Variants in EXOC6B observed in about 807,000 individuals in gnomAD.
The protein encoded by EXOC6B is SEC15 homolog B.
Under a neutral mutation model 113.5 loss-of-function variants are expected in EXOC6B, and 54 were observed. The ratio of observed to expected loss-of-function variants is 0.48; its 90% confidence interval spans 0.38 to 0.60. The LOEUF (loss-of-function observed/expected upper bound fraction) is 0.60. EXOC6B is among the 20% of genes least tolerant of loss of function. The probability of loss-of-function intolerance (pLI) is 0.00; values close to 1 mark genes in which losing one functional copy is unlikely to be tolerated. For missense variants in EXOC6B, 797 were observed against 977.5 expected (o/e 0.82, Z 2.46); for synonymous variants, 357 against 339.0 (o/e 1.05, Z -0.58).
chr2:72,619,404 TA>T (rs997036434), intron 6 of EXOC6B, among the ~76,000 whole-genome samples: 1 of 151,890 alleles, frequency 6.6e-6, no homozygotes, highest in South Asian at 2.1e-4. Context: ...GTCCATCCAT[TA>T]AAAAAATGGA....
chr2:72,537,125 T>C lies in EXOC6B; in HGVS notation c.916-21999A>G, dbSNP rs554978010. Among the ~76,000 whole-genome samples, 34 of 152,308 alleles carry C rather than the reference T, an allele frequency of 2.2e-4. No homozygotes were observed. In the South Asian group the frequency reaches 3.3e-3, roughly 15 times the overall value. The stretch of plus-strand genomic sequence containing the variant: ...CCATCTATCTTCTTTCCTTTTTTTT[T>C]CCCTCATCCTAAGACTTTGGAAATA... On this transcript the variant is annotated intron_variant, in intron 8 of 21. Transcript: ENST00000272427.
rs146841332 is a variant in EXOC6B, at chr2:72,663,773, G to A, written c.669+54330C>T. Among the ~76,000 whole-genome samples the A allele has an allele frequency of 1.1e-3, 164 of 152,044 alleles. 1 individual carries two copies. Among genetic ancestry groups the A allele is most frequent in the African/African-American group, 3.8e-3 (157 of 41,452 alleles). ...GAAACTATTCCATAATATTGCTATG[G>A]TATATGTCATTATATATTTCTTAAG... is the stretch of plus-strand genomic sequence containing the variant. On this transcript the variant is annotated intron_variant, in intron 6 of 21. Transcript: ENST00000272427.
At chr2:72,675,228 G>C (rs533276956) in intron 6 of EXOC6B, among the ~76,000 whole-genome samples, 1 of 152,166 alleles carries the variant, frequency 6.6e-6, no homozygotes, top group Admixed American at 6.5e-5. Flanking sequence ...TTGGAACTCT[G>C]TAACACAAAA....
intron 20 of EXOC6B, among the ~76,000 whole-genome samples, chr2:72,304,079 G>T (rs550398319): frequency 6.6e-6 from 1 of 152,150 alleles, no homozygotes; most frequent in Non-Finnish European, 1.5e-5. Flanking sequence ...CCAGGTGGGC[G>T]TTTATCCTGC....
intron 19 of EXOC6B, among the ~76,000 whole-genome samples, chr2:72,379,150 A>C (rs1427661586): frequency 6.6e-6 from 1 of 152,218 alleles, no homozygotes; most frequent in Non-Finnish European, 1.5e-5. Context: ...CACTCTAATT[A>C]TACCAAAGGA....
intron 1 of EXOC6B, among the ~76,000 whole-genome samples, chr2:72,789,732 G>C (rs1359482768): frequency 6.6e-6 from 1 of 152,056 alleles, no homozygotes; most frequent in Non-Finnish European, 1.5e-5. Context: ...CTGACATATA[G>C]AGGAAAAATG....
intron 20 of EXOC6B, among the ~76,000 whole-genome samples, chr2:72,223,422 ATGAATAGT>A (rs1252367402): frequency 6.6e-6 from 1 of 152,154 alleles, no homozygotes; most frequent in Non-Finnish European, 1.5e-5. Context: ...AGTATTCCTG[ATGAATAGT>A]AGATTGCAAA....
intron 6 of EXOC6B, among the ~76,000 whole-genome samples, chr2:72,680,554 C>T (rs1014726673): frequency 1.3e-5 from 2 of 152,096 alleles, no homozygotes; most frequent in African/African-American, 4.8e-5. Context: ...GCCTAGCCAA[C>T]ATGGTGAAAC....
chr2:72,656,381 G>A (rs1042847985), intron 6 of EXOC6B, among the ~76,000 whole-genome samples: 2 of 151,664 alleles, frequency 1.3e-5, no homozygotes, highest in African/African-American at 2.4e-5. Context: ...AAATAAAGGA[G>A]AATAACTAAT....
intron 18 of EXOC6B, among the ~76,000 whole-genome samples, chr2:72,422,787 G>A (rs1301046356): frequency 6.6e-6 from 1 of 152,160 alleles, no homozygotes; most frequent in Non-Finnish European, 1.5e-5. Context: ...TGGGGCCTTG[G>A]AGAACCTGTG....
At chr2:72,559,633 G>C in intron 7 of EXOC6B, 112 bp from the exon 8 acceptor site, 1 of 725,268 alleles carries the variant, frequency 1.4e-6, no homozygotes, top group Middle Eastern at 2.5e-4. Context: ...GTTCTAGCTT[G>C]TAAGTGAGAA....
At chr2:72,641,143 T>C (rs1673195976) in intron 6 of EXOC6B, among the ~76,000 whole-genome samples, 1 of 152,290 alleles carries the variant, frequency 6.6e-6, no homozygotes, top group Middle Eastern at 3.4e-3. Flanking sequence ...GCTCCGAGCG[T>C]GATCAACAGA....
chr2:72,379,917 A>G (rs1377181327), intron 18 of EXOC6B, 47 bp from the exon 19 acceptor site: 17 of 1,480,892 alleles, frequency 1.1e-5, no homozygotes, highest in Non-Finnish European at 1.5e-5. Flanking sequence ...TCTAACATAA[A>G]TTAAAATAAA....
intron 18 of EXOC6B, among the ~76,000 whole-genome samples, chr2:72,422,369 G>C (rs925846216): frequency 6.6e-6 from 1 of 152,226 alleles, no homozygotes; most frequent in African/African-American, 2.4e-5. Flanking sequence ...CCTGTGTCTA[G>C]CTCAAGGTTT....
chr2:72,374,321 G>A (rs2105040641), intron 19 of EXOC6B, among the ~76,000 whole-genome samples: 1 of 152,150 alleles, frequency 6.6e-6, no homozygotes, highest in East Asian at 1.9e-4. Flanking sequence ...GAGAAACTGT[G>A]GTACTTACAC....
intron 1 of EXOC6B, among the ~76,000 whole-genome samples, chr2:72,747,956 C>T (rs903789977): frequency 2.6e-5 from 4 of 152,012 alleles, no homozygotes; most frequent in Non-Finnish European, 5.9e-5. Flanking sequence ...TGGGGAGAGA[C>T]TATGTCTTAC....
At chr2:72,711,180 A>C (rs925906292) in intron 6 of EXOC6B, among the ~76,000 whole-genome samples, 6 of 152,188 alleles carry the variant, frequency 3.9e-5, no homozygotes, top group African/African-American at 1.4e-4. Context: ...GAACTTTTTG[A>C]GGATTTTTTT....
Position 72,499,999 on chromosome 2 carries a change from A to G in EXOC6B, c.1168-27T>C, listed in dbSNP as rs114059004. 9.0e-4 allele frequency: 1,260 copies of G among 1,406,602 alleles called. 6 individuals are homozygous for G. In the African/African-American group the frequency reaches 0.014, roughly 15 times the overall value. 87.1% of individuals were successfully genotyped at this position (1,406,602 alleles called of 1,614,324 possible). On this transcript the variant is annotated intron_variant, in intron 11 of 21. Coordinates refer to ENST00000272427, the MANE Select transcript of EXOC6B (RefSeq NM_015189.3). ...TAAAGTAAATAAAAGACAAAGGAGG[A>G]AAAACATGTTATTAGTAAAAATGCA... is the stretch of plus-strand genomic sequence containing the variant.
chr2:72,792,454 T>C (rs1298395040), intron 1 of EXOC6B, among the ~76,000 whole-genome samples: 1 of 152,224 alleles, frequency 6.6e-6, no homozygotes, highest in Non-Finnish European at 1.5e-5. Flanking sequence ...AATGTTTCCT[T>C]GTCGTTACCA....
Sources: allele counts gnomAD v4.1 joint callset (sites outside exome capture counted in the v4.1 genomes callset), GRCh38; gene constraint gnomAD v4.1.1; transcripts MANE v1.5; gene names NCBI Gene and HGNC (gene_info 2026-07-23, HGNC 2026-07-21).